Variants in LAMA2 observed in about 807,000 individuals in gnomAD.
LAMA2 encodes laminin subunit alpha-2.
A neutral mutation model predicts 364.8 loss-of-function variants in LAMA2; 269 were observed. The observed-to-expected ratio is 0.74, with a 90% CI of 0.67 to 0.82. The LOEUF is 0.82. Among genes scored for constraint, LAMA2 ranks in the 40% least tolerant of loss-of-function variants. LAMA2 has a pLI of 0.00. For synonymous variants in LAMA2, 1,379 were observed against 1,370.6 expected, an observed-to-expected ratio of 1.01 and a Z score of -0.14; for missense variants, 3,807 against 3,873.2, an observed-to-expected ratio of 0.98 and a Z score of 0.45.
chr6:129,380,694 G>A (rs1394832604), intron 34 of LAMA2, among the ~76,000 whole-genome samples: 1 of 152,154 alleles, frequency 6.6e-6, no homozygotes, highest in African/African-American at 2.4e-5. Context: ...ATACAAGAAG[G>A]TGCTAAGAAG....
chr6:129,089,577 G>T (rs1774679337), intron 3 of LAMA2, among the ~76,000 whole-genome samples: 1 of 152,198 alleles, frequency 6.6e-6, no homozygotes, highest in Admixed American at 6.5e-5. Flanking sequence ...ACCAGTAGCT[G>T]GTGGGAAAGC....
intron 1 of LAMA2, among the ~76,000 whole-genome samples, chr6:128,924,651 T>C (rs1012352977): frequency 6.6e-6 from 1 of 152,194 alleles, no homozygotes; most frequent in Admixed American, 6.5e-5. Flanking sequence ...AAAAGCTCAA[T>C]GTACAGGTAG....
chr6:128,909,639 T>C (rs1428717730), intron 1 of LAMA2, among the ~76,000 whole-genome samples: 1 of 149,498 alleles, frequency 6.7e-6, no homozygotes, highest in Non-Finnish European at 1.5e-5. Context: ...CATTTACATT[T>C]AAAGTTAATA....
rs566223994 is a variant in LAMA2 at position 128,983,389 on chromosome 6, T to C, written c.113-66529T>C. On this transcript the variant is annotated intron_variant, in intron 1 of 64. Coordinates refer to ENST00000421865, the MANE Select transcript of LAMA2 (RefSeq NM_000426.4). ...TGATGGTGAGCATTTTTTCATGTGTTTTTTGGCTGCATAAATGTCTTCTTT... is the reference window on the plus strand; with the variant it reads ...TGATGGTGAGCATTTTTTCATGTGTCTTTTGGCTGCATAAATGTCTTCTTT... 1.8e-4 allele frequency among the ~76,000 whole-genome samples: 27 copies of C among 152,276 alleles called. No individual in the cohort carries two copies. The South Asian group carries it at 5.4e-3, about 30-fold the overall frequency.
At chr6:129,008,998 A>G (rs916751178) in intron 1 of LAMA2, among the ~76,000 whole-genome samples, 1 of 152,208 alleles carries the variant, frequency 6.6e-6, no homozygotes, top group Non-Finnish European at 1.5e-5. Flanking sequence ...CACTTCTAAC[A>G]ATAAAACAAA....
chr6:129,507,387 G>T, intron 61 of LAMA2, 102 bp from the exon 62 acceptor site: 1 of 1,244,876 alleles, frequency 8.0e-7, no homozygotes, highest in Non-Finnish European at 1.2e-6. Flanking sequence ...TAAGACAACT[G>T]GATAACTACA....
At chr6:129,298,153 G>GCAGATGCT (rs1554265356) in intron 21 of LAMA2, among the ~76,000 whole-genome samples, 4 of 32,734 alleles carry the variant, frequency 1.2e-4, no homozygotes, top group African/African-American at 4.6e-4. Context: ...CACTGCTACG[G>GCAGATGCT]CTTGAAAGTT....
rs1414033608 is a variant in LAMA2 at position 129,303,161 on chromosome 6, GC to G, written c.3174+2290del. Reference sequence around the variant, plus strand: ...AATGTTTGTAGTTTTTGATGTGCAAGCTTTGCATATATATTGTTAAATGTAT... The same window carrying G: ...AATGTTTGTAGTTTTTGATGTGCAAGTTTGCATATATATTGTTAAATGTAT... On this transcript the variant is annotated intron_variant, in intron 22 of 64. Transcript: ENST00000421865. 2.0e-5 allele frequency among the ~76,000 whole-genome samples: 3 copies of G among 152,166 alleles called. No individual in the cohort carries two copies. In the South Asian group the frequency reaches 6.2e-4, roughly 32 times the overall value.
At chr6:129,437,541 G>T (rs1004276045) in intron 41 of LAMA2, among the ~76,000 whole-genome samples, 2 of 151,880 alleles carry the variant, frequency 1.3e-5, no homozygotes, top group Non-Finnish European at 2.9e-5. Context: ...TTGCATTTCT[G>T]TGGAGCTAAT....
intron 1 of LAMA2, among the ~76,000 whole-genome samples, chr6:128,953,645 A>G (rs1172259152): frequency 6.6e-6 from 1 of 151,476 alleles, no homozygotes; most frequent in African/African-American, 2.4e-5. Flanking sequence ...CTATATATAT[A>G]TGTATGGTGT....
chr6:129,438,330 C>T (rs1021379111), intron 41 of LAMA2, among the ~76,000 whole-genome samples: 3 of 151,672 alleles, frequency 2.0e-5, no homozygotes, highest in Non-Finnish European at 2.9e-5. Flanking sequence ...GGCATAATTA[C>T]AAATGGAATA....
chr6:128,961,320 T>TAGATAG (rs1781480438), intron 1 of LAMA2, among the ~76,000 whole-genome samples: 1 of 17,686 alleles, frequency 5.7e-5, no homozygotes, highest in Non-Finnish European at 9.5e-5. Flanking sequence ...ACTAATATGA[T>TAGATAG]ATATATATAT....
At chr6:129,327,588 C>G (rs539191203) in intron 28 of LAMA2, among the ~76,000 whole-genome samples, 1 of 152,298 alleles carries the variant, frequency 6.6e-6, no homozygotes, top group South Asian at 2.1e-4. Context: ...TGTGGACTAC[C>G]TTCCAGAAAG....
At chr6:128,997,776 C>T (rs567550217) in intron 1 of LAMA2, among the ~76,000 whole-genome samples, 1 of 152,158 alleles carries the variant, frequency 6.6e-6, no homozygotes, top group South Asian at 2.1e-4. Context: ...GCCTGGCCAA[C>T]AGAGCGAGAC....
At chr6:128,964,509 G>A (rs1224657512) in intron 1 of LAMA2, among the ~76,000 whole-genome samples, 2 of 151,964 alleles carry the variant, frequency 1.3e-5, no homozygotes, top group Non-Finnish European at 2.9e-5. Flanking sequence ...CATTCATAAT[G>A]GACAGAATAT....
At chr6:128,994,572 T>C (rs1783808904) in intron 1 of LAMA2, among the ~76,000 whole-genome samples, 1 of 152,214 alleles carries the variant, frequency 6.6e-6, no homozygotes, top group Non-Finnish European at 1.5e-5. Flanking sequence ...ATTTAAGTTC[T>C]ACTGTATTTT....
At chr6:129,250,993 T>G (rs1786142825) in intron 13 of LAMA2, among the ~76,000 whole-genome samples, 1 of 150,758 alleles carries the variant, frequency 6.6e-6, no homozygotes, top group East Asian at 1.9e-4. Context: ...AGTGGTCTGC[T>G]CTCTCTCTTT....
At chr6:129,359,075 G>A (rs889175158) in intron 32 of LAMA2, among the ~76,000 whole-genome samples, 1 of 151,844 alleles carries the variant, frequency 6.6e-6, no homozygotes, top group African/African-American at 2.4e-5. Flanking sequence ...GTGAGATAAT[G>A]ATGGCAAAGT....
At chr6:129,230,416 T>C (rs1044529068) in intron 12 of LAMA2, among the ~76,000 whole-genome samples, 4 of 151,988 alleles carry the variant, frequency 2.6e-5, no homozygotes, top group African/African-American at 9.7e-5. Flanking sequence ...AATATGGAGA[T>C]AGCAAGTGTA....
Sources: gnomAD v4.1 joint callset for allele counts (sites outside exome capture counted in the v4.1 genomes callset) on GRCh38, gnomAD v4.1.1 for gene constraint, MANE v1.5 for transcripts, NCBI Gene and HGNC (gene_info 2026-07-23, HGNC 2026-07-21) for gene names.